Variants in UNC13C observed in about 807,000 individuals in gnomAD.
UNC13C encodes the protein unc-13 homolog C, also known as protein unc-13 homolog C.
Under a neutral mutation model 245.4 loss-of-function variants are expected in UNC13C, and 174 were observed. The ratio of observed to expected loss-of-function variants is 0.71; its 90% CI spans 0.63 to 0.80. UNC13C has a LOEUF of 0.80. Among genes scored for constraint, UNC13C ranks in the 30% least tolerant of loss-of-function variants. UNC13C has a pLI of 0.00. For synonymous variants in UNC13C, 992 were observed against 895.1 expected, an observed-to-expected ratio of 1.11 and a Z score of -1.93; for missense variants, 2,829 against 2,602.9, an observed-to-expected ratio of 1.09 and a Z score of -1.89.
chr15:53,869,347 T>C, the UNC13C span, among the ~76,000 whole-genome samples: 2 of 152,158 alleles, frequency 1.3e-5, no homozygotes, highest in East Asian at 1.9e-4. Context: ...GGCATATACA[T>C]TCATGACATT....
At chr15:54,619,193 T>G (rs990268473) in intron 30 of UNC13C, among the ~76,000 whole-genome samples, 1 of 152,118 alleles carries the variant, frequency 6.6e-6, no homozygotes. Context: ...TGAGCCTTTC[T>G]CCATGTAAAT....
At chr15:54,123,125 T>A (rs1358064543) in intron 2 of UNC13C, among the ~76,000 whole-genome samples, 1 of 151,996 alleles carries the variant, frequency 6.6e-6, no homozygotes, top group Non-Finnish European at 1.5e-5. Flanking sequence ...TCAGTCTTTT[T>A]AATTGCAGCT....
intron 10 of UNC13C, among the ~76,000 whole-genome samples, chr15:54,279,728 C>A (rs867684943): frequency 6.6e-6 from 1 of 152,148 alleles, no homozygotes. Flanking sequence ...CTCTTTTTCT[C>A]TGGCAAGAAA....
chr15:54,141,194 TG>T (rs2032001733), intron 2 of UNC13C, among the ~76,000 whole-genome samples: 4 of 152,196 alleles, frequency 2.6e-5, no homozygotes, highest in Non-Finnish European at 5.9e-5. Context: ...GCTTATGGGT[TG>T]ACTATATAGT....
intron 4 of UNC13C, among the ~76,000 whole-genome samples, chr15:54,196,826 C>T (rs765847594): frequency 3.3e-5 from 5 of 151,980 alleles, no homozygotes; most frequent in Non-Finnish European, 5.9e-5. Context: ...TATCTTAACC[C>T]GATGAACTTA....
chr15:53,872,775 G>T, the UNC13C span, among the ~76,000 whole-genome samples: 3 of 152,102 alleles, frequency 2.0e-5, no homozygotes, highest in Admixed American at 2.0e-4. Context: ...TTACAATCTG[G>T]ACTCAGTTTA....
chr15:54,543,152 A>C (rs1896324046), intron 26 of UNC13C, among the ~76,000 whole-genome samples: 1 of 152,022 alleles, frequency 6.6e-6, no homozygotes, highest in African/African-American at 2.4e-5. Flanking sequence ...TTTCCTTTCC[A>C]CATTTACTGG....
intron 1 of UNC13C, among the ~76,000 whole-genome samples, chr15:53,999,144 T>C (rs1894770701): frequency 1.3e-5 from 2 of 152,034 alleles, no homozygotes. Context: ...CTTTCCTCTT[T>C]TCTGAAAGAG....
intron 10 of UNC13C, among the ~76,000 whole-genome samples, chr15:54,277,032 T>C (rs1184834518): frequency 4.6e-5 from 7 of 152,172 alleles, no homozygotes; most frequent in South Asian, 2.1e-4. Context: ...TTATTTGCAC[T>C]ATTGCTTCAC....
chr15:54,464,127 A>G (rs1892041004), intron 19 of UNC13C, among the ~76,000 whole-genome samples: 1 of 152,216 alleles, frequency 6.6e-6, no homozygotes, highest in Admixed American at 6.5e-5. Flanking sequence ...AGTTCTCCAT[A>G]TCTTGCCAAC....
At chr15:54,314,201 G>T (rs2037951131) in intron 13 of UNC13C, among the ~76,000 whole-genome samples, 1 of 151,578 alleles carries the variant, frequency 6.6e-6, no homozygotes, top group African/African-American at 2.4e-5. Flanking sequence ...TAGTTAGATG[G>T]GAGGAATAAA....
At chr15:54,388,929 T>C (rs2039895479) in intron 17 of UNC13C, among the ~76,000 whole-genome samples, 1 of 152,110 alleles carries the variant, frequency 6.6e-6, no homozygotes, top group African/African-American at 2.4e-5. Flanking sequence ...TTCTCACCCA[T>C]TAGTCAATAA....
intron 13 of UNC13C, among the ~76,000 whole-genome samples, chr15:54,318,242 T>C (rs1264227746): frequency 1.3e-5 from 2 of 151,936 alleles, no homozygotes; most frequent in African/African-American, 4.8e-5. Context: ...GATATATCCA[T>C]TAATGGGAAT....
intron 2 of UNC13C, among the ~76,000 whole-genome samples, chr15:54,017,391 T>C (rs961556933): frequency 6.6e-6 from 1 of 152,162 alleles, no homozygotes; most frequent in African/African-American, 2.4e-5. Flanking sequence ...TTGCTATTTC[T>C]TGGGATACAG....
chr15:54,014,930 T>C lies in UNC13C; in HGVS notation c.2027T>C (p.Phe676Ser). The C allele has an allele frequency of 6.2e-7, 1 of 1,613,906 alleles. No homozygotes were observed. Among genetic ancestry groups the C allele is most frequent in the Non-Finnish European group, 8.5e-7 (1 of 1,179,852 alleles). Reference protein sequence around the residue: ...LGLDSSTQEGFDYETNSLFDQ... With the variant: ...LGLDSSTQEGSDYETNSLFDQ... Reference sequence around the variant, plus strand: ...TTGGATTCATCCACCCAGGAAGGTTTTGATTATGAAACAAACAGTCTTTTT... The same window carrying C: ...TTGGATTCATCCACCCAGGAAGGTTCTGATTATGAAACAAACAGTCTTTTT... Residue 676 changes from phenylalanine to serine, a missense_variant, in exon 2 of 33, where the codon TTT (phenylalanine) becomes TCT (serine). Coordinates refer to ENST00000260323, the MANE Select transcript of UNC13C (RefSeq NM_001080534.3).
At position 54,270,867 on chromosome 15, in the gene UNC13C, A is replaced by AT. The variant is rs377359792; in HGVS notation, c.3818+5379dup. On this transcript the variant is annotated intron_variant, in intron 10 of 32. Transcript: ENST00000260323. Reference sequence around the variant, plus strand: ...ATACAAGCAGAAATTGGGAAGTGTGATTTTTTTTCCCCCTACATCCAAACT... The same window carrying AT: ...ATACAAGCAGAAATTGGGAAGTGTGATTTTTTTTTCCCCCTACATCCAAACT... Among the ~76,000 whole-genome samples, 67 of 151,912 alleles carry AT rather than the reference A, an allele frequency of 4.4e-4. 1 individual carries two copies. The highest frequency in any genetic ancestry group is 1.6e-3 in the African/African-American group (65 of 41,418).
chr15:54,447,298 G>A (rs1890870535), intron 19 of UNC13C, among the ~76,000 whole-genome samples: 1 of 152,170 alleles, frequency 6.6e-6, no homozygotes, highest in South Asian at 2.1e-4. Context: ...AAATGAGTTA[G>A]GGAGGATTCC....
At chr15:54,034,567 C>T (rs201505684) in intron 2 of UNC13C, among the ~76,000 whole-genome samples, 16 of 152,180 alleles carry the variant, frequency 1.1e-4, no homozygotes, top group East Asian at 3.9e-4. Context: ...GTCACTATCT[C>T]CTTGAACCGA....
At chr15:54,493,218 C>A (rs1296129964) in intron 19 of UNC13C, among the ~76,000 whole-genome samples, 1 of 152,184 alleles carries the variant, frequency 6.6e-6, no homozygotes, top group Non-Finnish European at 1.5e-5. Context: ...TAGGGGAGAG[C>A]TTACACTGAA....
Sources: gnomAD v4.1 joint callset for allele counts (sites outside exome capture counted in the v4.1 genomes callset) on GRCh38, gnomAD v4.1.1 for gene constraint, MANE v1.5 for transcripts, NCBI Gene and HGNC (gene_info 2026-07-23, HGNC 2026-07-21) for gene names.